The following TRABD2B variants were observed in gnomAD, a reference collection of about 807,000 sequenced individuals.
TRABD2B encodes the protein TraB domain containing 2B, also known as metalloprotease TIKI2.
Under a neutral mutation model 40.1 loss-of-function variants are expected in TRABD2B, and 14 were observed. That is an observed-to-expected ratio of 0.35 (90% CI 0.23 to 0.55). The LOEUF is 0.55. TRABD2B is among the 20% of genes least tolerant of loss of function. The probability of loss-of-function intolerance (pLI) is 0.90; values close to 1 mark genes in which losing one functional copy is unlikely to be tolerated. For synonymous variants in TRABD2B, 263 were observed against 277.0 expected (o/e 0.95, Z 0.50); for missense variants, 541 against 648.6 (o/e 0.83, Z 1.80).
intron 2 of TRABD2B, among the ~76,000 whole-genome samples, chr1:47,861,842 A>T (rs1332001765): frequency 1.3e-5 from 2 of 152,242 alleles, no homozygotes; most frequent in Non-Finnish European, 2.9e-5. Flanking sequence ...ATTTTTCATG[A>T]ATATAGGTAT....
At chr1:47,799,486 A>T (rs909797828) in intron 3 of TRABD2B, among the ~76,000 whole-genome samples, 1 of 152,046 alleles carries the variant, frequency 6.6e-6, no homozygotes, top group Non-Finnish European at 1.5e-5. Flanking sequence ...TTTCTCTTTC[A>T]TTCTCTATGC....
intron 1 of TRABD2B, among the ~76,000 whole-genome samples, chr1:47,995,131 C>T (rs907494856): frequency 1.3e-5 from 2 of 152,122 alleles, no homozygotes; most frequent in Non-Finnish European, 2.9e-5. Flanking sequence ...TAAATCCAAC[C>T]ATTAGAAGAT....
At chr1:47,993,154 T>TTGGA (rs1317085913) in intron 2 of TRABD2B, among the ~76,000 whole-genome samples, 1 of 152,148 alleles carries the variant, frequency 6.6e-6, no homozygotes, top group Non-Finnish European at 1.5e-5. Flanking sequence ...AAGCCCCATC[T>TTGGA]TGGGGCCTCC....
chr1:47,845,955 C>T (rs1257334978), intron 2 of TRABD2B, among the ~76,000 whole-genome samples: 1 of 152,190 alleles, frequency 6.6e-6, no homozygotes, highest in African/African-American at 2.4e-5. Context: ...TACGTTTCCT[C>T]TTTCCAGGGC....
intron 2 of TRABD2B, among the ~76,000 whole-genome samples, chr1:47,834,577 GCGCACA>G (rs930497515): frequency 4.1e-4 from 58 of 142,374 alleles, no homozygotes; most frequent in Non-Finnish European, 6.6e-4. Context: ...ACACACACAC[GCGCACA>G]CACACACACA....
At chr1:47,824,671 C>T (rs762452056) in intron 2 of TRABD2B, among the ~76,000 whole-genome samples, 10 of 152,190 alleles carry the variant, frequency 6.6e-5, no homozygotes, top group Non-Finnish European at 1.2e-4. Context: ...GGCCCCACAA[C>T]CAAGAGGCTG....
chr1:47,938,759 C>A (rs1018384831), intron 2 of TRABD2B, among the ~76,000 whole-genome samples: 1 of 152,132 alleles, frequency 6.6e-6, no homozygotes, highest in African/African-American at 2.4e-5. Flanking sequence ...ACATTTGAGA[C>A]CTGTGGGGTG....
chr1:47,913,184 GC>G (rs1278876888), intron 2 of TRABD2B, among the ~76,000 whole-genome samples: 1 of 152,126 alleles, frequency 6.6e-6, no homozygotes, highest in African/African-American at 2.4e-5. Context: ...TCCATGCTTA[GC>G]CCCAGTTCTT....
intron 2 of TRABD2B, among the ~76,000 whole-genome samples, chr1:47,908,351 A>G (rs1206902338): frequency 6.6e-6 from 1 of 152,252 alleles, no homozygotes. Context: ...TTACATAAAA[A>G]GAGAAAAAAA....
intron 4 of TRABD2B, among the ~76,000 whole-genome samples, chr1:47,782,239 C>G (rs1160343395): frequency 1.3e-5 from 2 of 152,200 alleles, no homozygotes; most frequent in African/African-American, 4.8e-5. Flanking sequence ...CTAAATAGGT[C>G]CTATCTTGAT....
chr1:47,819,376 T>G (rs1461825986), intron 2 of TRABD2B: 2 of 152,262 alleles, frequency 1.3e-5, no homozygotes, highest in East Asian at 1.9e-4. Flanking sequence ...CTGGATCTGA[T>G]TTTATTTATT....
intron 5 of TRABD2B, among the ~76,000 whole-genome samples, chr1:47,777,675 T>C (rs1359443189): frequency 6.6e-6 from 1 of 152,212 alleles, no homozygotes; most frequent in Non-Finnish European, 1.5e-5. Context: ...AAATACTGGC[T>C]ATGAAGATCC....
intron 2 of TRABD2B, among the ~76,000 whole-genome samples, chr1:47,834,793 G>A (rs1166337781): frequency 1.3e-5 from 2 of 152,178 alleles, no homozygotes; most frequent in Non-Finnish European, 2.9e-5. Context: ...CAAATCCTGA[G>A]AAGGGAAGAG....
chr1:47,781,724 C>T (rs1335727574), intron 4 of TRABD2B, among the ~76,000 whole-genome samples: 1 of 152,234 alleles, frequency 6.6e-6, no homozygotes, highest in Non-Finnish European at 1.5e-5. Context: ...ACCCAGGTGG[C>T]TACTCCTTGC....
chr1:47,829,306 AC>A (rs1221247363), intron 2 of TRABD2B, among the ~76,000 whole-genome samples: 1 of 151,818 alleles, frequency 6.6e-6, no homozygotes, highest in Non-Finnish European at 1.5e-5. Context: ...GGCTTCACTT[AC>A]CCCCACTCCC....
chr1:47,896,932 C>A (rs953186081), intron 2 of TRABD2B, among the ~76,000 whole-genome samples: 4 of 152,114 alleles, frequency 2.6e-5, no homozygotes, highest in Non-Finnish European at 5.9e-5. Context: ...ATACTGAGCC[C>A]CTAGTATATG....
intron 2 of TRABD2B, among the ~76,000 whole-genome samples, chr1:47,951,954 T>G (rs536465576): frequency 6.6e-6 from 1 of 152,180 alleles, no homozygotes; most frequent in Non-Finnish European, 1.5e-5. Context: ...CATAAAGCAG[T>G]CAAAGGCATT....
intron 4 of TRABD2B, among the ~76,000 whole-genome samples, chr1:47,780,872 G>A (rs1439049015): frequency 6.6e-6 from 1 of 152,230 alleles, no homozygotes; most frequent in African/African-American, 2.4e-5. Context: ...TCCCGCCAAG[G>A]CTCTCATTCT....
intron 2 of TRABD2B, among the ~76,000 whole-genome samples, chr1:47,991,267 G>A (rs1316839496): frequency 6.6e-6 from 1 of 152,162 alleles, no homozygotes; most frequent in Non-Finnish European, 1.5e-5. Flanking sequence ...ATTCAATGCA[G>A]TGGAAAAGCG....
Sources: gnomAD v4.1 joint callset for allele counts (sites outside exome capture counted in the v4.1 genomes callset) on GRCh38, gnomAD v4.1.1 for gene constraint, MANE v1.5 for transcripts, NCBI Gene and HGNC (gene_info 2026-07-23, HGNC 2026-07-21) for gene names.